Variants in MYT1L observed in about 807,000 individuals in gnomAD.
The protein encoded by MYT1L is myelin transcription factor 1 like.
Under a neutral mutation model 126.7 loss-of-function variants are expected in MYT1L, and 12 were observed. The observed-to-expected ratio is 0.09, with a 90% confidence interval of 0.06 to 0.15. MYT1L has a LOEUF of 0.15. MYT1L is among the 10% of genes least tolerant of loss of function. MYT1L has a pLI of 1.00. For missense variants in MYT1L, 979 were observed against 1,585.2 expected (o/e 0.62, Z 6.49); for synonymous variants, 541 against 604.2 (o/e 0.90, Z 1.53).
chr2:2,174,078 AAAATAGATAC>A (rs1260916186), intron 2 of MYT1L, among the ~76,000 whole-genome samples: 1 of 152,232 alleles, frequency 6.6e-6, no homozygotes, highest in Non-Finnish European at 1.5e-5. Context: ...AAATAATGCC[AAAATAGATAC>A]ATGGAGCTAG....
intron 2 of MYT1L, among the ~76,000 whole-genome samples, chr2:2,266,489 G>A (rs1025702521): frequency 6.6e-6 from 1 of 152,180 alleles, no homozygotes; most frequent in African/African-American, 2.4e-5. Flanking sequence ...ATATTGATGG[G>A]GGTGGGGTGG....
At chr2:2,219,030 G>T (rs2093775296) in intron 2 of MYT1L, among the ~76,000 whole-genome samples, 1 of 152,134 alleles carries the variant, frequency 6.6e-6, no homozygotes. Context: ...GGCTAAGTTT[G>T]GCTAAAATAA....
chr2:2,197,409 T>C (rs893216837), intron 2 of MYT1L, among the ~76,000 whole-genome samples: 2 of 152,050 alleles, frequency 1.3e-5, no homozygotes, highest in Admixed American at 6.6e-5. Flanking sequence ...CAGAATAAAA[T>C]ACTATTGACT....
chr2:2,262,915 A>AATATATATATATATATATATATAT lies in MYT1L; in HGVS notation c.-421+21488_-421+21489insATATATATATATATATATATATAT, dbSNP rs61461867. On this transcript the variant is annotated intron_variant, in intron 2 of 24. Transcript: ENST00000647738. ...GTTTTTACCCCAGGTGAGAGGCACA[A>AATATATATATATATATATATATAT]ATATATATATATATATAACCTGTGA... Among the ~76,000 whole-genome samples the AATATATATATATATATATATATAT allele has an allele frequency of 3.3e-3, 203 of 62,244 alleles. 13 individuals carry two copies. The highest frequency in any genetic ancestry group is 8.9e-3 in the Middle Eastern group (1 of 112). The allele number at this position is 62,244 out of a possible 152,430, so 40.8% of individuals were successfully genotyped here.
chr2:2,314,991 T>G (rs2096040977), intron 1 of MYT1L, among the ~76,000 whole-genome samples: 1 of 152,312 alleles, frequency 6.6e-6, no homozygotes, highest in Admixed American at 6.5e-5. Flanking sequence ...AAATTGAAAC[T>G]GGACCCCTTC....
intron 3 of MYT1L, among the ~76,000 whole-genome samples, chr2:2,167,927 C>T (rs945298504): frequency 7.2e-5 from 11 of 152,120 alleles, no homozygotes; most frequent in African/African-American, 1.9e-4. Context: ...CTCAAACATA[C>T]GTTATATAAA....
intron 21 of MYT1L, among the ~76,000 whole-genome samples, chr2:1,813,063 G>T (rs2036945169): frequency 2.6e-5 from 4 of 152,234 alleles, no homozygotes; most frequent in Admixed American, 2.6e-4. Context: ...AATGCAGGGA[G>T]CAGCTCCCAT....
intron 2 of MYT1L, among the ~76,000 whole-genome samples, chr2:2,276,156 G>C (rs1016934878): frequency 6.6e-6 from 1 of 152,116 alleles, no homozygotes; most frequent in Non-Finnish European, 1.5e-5. Flanking sequence ...AATGTTACAG[G>C]CTTCCTTTCA....
chr2:1,900,045 C>G, intron 14 of MYT1L, among the ~76,000 whole-genome samples: 1 of 152,296 alleles, frequency 6.6e-6, no homozygotes, highest in African/African-American at 2.4e-5. Context: ...TGGCCCTGAC[C>G]TTTGGTTGCT....
At position 2,145,642 on chromosome 2, in the gene MYT1L, G is replaced by GACACACACACACACAC. The variant is rs139332300; in HGVS notation, c.-304+27214_-304+27229dup. On this transcript the variant is annotated intron_variant, in intron 3 of 24. Transcript: ENST00000647738. ...CTGGAAAAAAAATACACACACACAA[G>GACACACACACACACAC]ACACACACACACACACACACACACA... is the stretch of plus-strand genomic sequence containing the variant. 7.2e-4 allele frequency among the ~76,000 whole-genome samples: 105 copies of GACACACACACACACAC among 146,526 alleles called. 2 individuals carry two copies. Among genetic ancestry groups the GACACACACACACACAC allele is most frequent in the African/African-American group, 2.5e-3 (102 of 40,056 alleles).
At chr2:2,267,693 C>T (rs185041921) in intron 2 of MYT1L, among the ~76,000 whole-genome samples, 41 of 152,134 alleles carry the variant, frequency 2.7e-4, no homozygotes, top group Non-Finnish European at 2.9e-5. Context: ...AAGAAGAGAC[C>T]CAGTGTGGTC....
intron 2 of MYT1L, among the ~76,000 whole-genome samples, chr2:2,214,256 A>G (rs559246101): frequency 1.4e-5 from 2 of 138,342 alleles, no homozygotes; most frequent in Non-Finnish European, 3.2e-5. Flanking sequence ...CATGAGACAA[A>G]TTATCTATCT....
At chr2:1,921,066 G>A (rs2053515834) in intron 10 of MYT1L, among the ~76,000 whole-genome samples, 1 of 152,244 alleles carries the variant, frequency 6.6e-6, no homozygotes, top group African/African-American at 2.4e-5. Context: ...CTGTGCCACA[G>A]TGGGAAAAAG....
intron 2 of MYT1L, among the ~76,000 whole-genome samples, chr2:2,183,979 A>AAG (rs35281167): frequency 0.26 from 38,468 of 145,884 alleles, 5,533 homozygotes; most frequent in African/African-American, 0.36. Flanking sequence ...AAGAGAAAGA[A>AAG]AGAGAGAGAG....
intron 2 of MYT1L, among the ~76,000 whole-genome samples, chr2:2,197,256 A>G (rs1405925794): frequency 6.6e-6 from 1 of 152,172 alleles, no homozygotes; most frequent in Non-Finnish European, 1.5e-5. Flanking sequence ...TTCAGTCATT[A>G]TTTATTCAAT....
intron 4 of MYT1L, among the ~76,000 whole-genome samples, chr2:2,022,978 G>C (rs1424722139): frequency 6.6e-6 from 1 of 152,186 alleles, no homozygotes; most frequent in African/African-American, 2.4e-5. Flanking sequence ...TGGCCCAGGA[G>C]AGGGTAAATT....
At chr2:2,065,300 T>A (rs950803404) in intron 3 of MYT1L, among the ~76,000 whole-genome samples, 8 of 152,278 alleles carry the variant, frequency 5.3e-5, no homozygotes, top group African/African-American at 1.2e-4. Context: ...ATTAAAAAAA[T>A]TTTAAAATAA....
At chr2:2,206,310 C>A (rs2093320460) in intron 2 of MYT1L, among the ~76,000 whole-genome samples, 1 of 152,150 alleles carries the variant, frequency 6.6e-6, no homozygotes, top group Admixed American at 6.5e-5. Flanking sequence ...CTTTGAACAT[C>A]TATTTGTACC....
At chr2:2,316,994 T>C (rs972739844) in intron 1 of MYT1L, among the ~76,000 whole-genome samples, 1 of 151,252 alleles carries the variant, frequency 6.6e-6, no homozygotes, top group Middle Eastern at 3.4e-3. Context: ...TTTTTTTGGA[T>C]TTTTAATAGA....
Sources: gnomAD v4.1 joint callset for allele counts (sites outside exome capture counted in the v4.1 genomes callset) on GRCh38, gnomAD v4.1.1 for gene constraint, MANE v1.5 for transcripts, NCBI Gene and HGNC (gene_info 2026-07-23, HGNC 2026-07-21) for gene names.